The following PVT1 variants were observed in gnomAD, a reference collection of about 807,000 sequenced individuals.
PVT1 encodes CXCR4/PVT1 fusion.
intron 4 of PVT1, among the ~76,000 whole-genome samples, chr8:128,056,328 C>G (rs963055525): frequency 3.9e-5 from 6 of 152,154 alleles, no homozygotes; most frequent in Non-Finnish European, 8.8e-5. Flanking sequence ...TACATGCGTT[C>G]ATGTATTTAC....
intron 2 of PVT1, among the ~76,000 whole-genome samples, chr8:127,824,221 C>T (rs146082961): frequency 6.6e-6 from 1 of 152,274 alleles, no homozygotes; most frequent in African/African-American, 2.4e-5. Flanking sequence ...AGAGTAGTTG[C>T]ATTTTAAACT....
intron 3 of PVT1, among the ~76,000 whole-genome samples, chr8:127,914,233 G>A (rs998188554): frequency 6.3e-5 from 7 of 110,684 alleles, no homozygotes; most frequent in African/African-American, 2.4e-4. Flanking sequence ...TAGGATGGCT[G>A]TAATTAAACA....
intron 4 of PVT1, among the ~76,000 whole-genome samples, chr8:128,070,005 C>T: frequency 6.6e-6 from 1 of 152,120 alleles, no homozygotes; most frequent in East Asian, 1.9e-4. Context: ...CCATAGGCAG[C>T]CACTCCAGTG....
intron 4 of PVT1, among the ~76,000 whole-genome samples, chr8:128,012,148 A>G (rs1817321283): frequency 1.3e-5 from 2 of 152,164 alleles, no homozygotes. Flanking sequence ...TTGACATTCA[A>G]TACACATTTG....
intron 3 of PVT1, among the ~76,000 whole-genome samples, chr8:127,931,935 G>A (rs115986298): frequency 0.021 from 3,222 of 152,344 alleles, 125 homozygotes; most frequent in African/African-American, 0.074. Context: ...CTCGCTTGGC[G>A]CTGTGTGACT....
chr8:127,966,867 A>G (rs1816708116), intron 3 of PVT1, among the ~76,000 whole-genome samples: 1 of 152,078 alleles, frequency 6.6e-6, no homozygotes, highest in Admixed American at 6.5e-5. Context: ...GTACCTGCTG[A>G]CGGGGATATT....
chr8:127,919,147 C>G (rs1464593802), intron 3 of PVT1, among the ~76,000 whole-genome samples: 1 of 152,214 alleles, frequency 6.6e-6, no homozygotes, highest in African/African-American at 2.4e-5. Context: ...AACCAGGGAG[C>G]AGTGAAGCCC....
chr8:127,884,047 A>C (rs570567731), intron 2 of PVT1, among the ~76,000 whole-genome samples: 59 of 152,358 alleles, frequency 3.9e-4, no homozygotes, highest in African/African-American at 1.3e-3. Context: ...TGCACATGTC[A>C]TATGTGTATC....
chr8:127,952,891 A>G (rs992530517), intron 3 of PVT1, among the ~76,000 whole-genome samples: 5 of 152,088 alleles, frequency 3.3e-5, no homozygotes, highest in African/African-American at 4.8e-5. Context: ...CAGCCTCCCA[A>G]GTAGCTGGGA....
intron 3 of PVT1, among the ~76,000 whole-genome samples, chr8:127,942,761 G>T (rs185525429): frequency 6.6e-6 from 1 of 152,160 alleles, no homozygotes; most frequent in Non-Finnish European, 1.5e-5. Context: ...CAGTGGGAAA[G>T]ACTGTGAGAT....
At chr8:128,063,648 G>A (rs1813860980) in intron 4 of PVT1, among the ~76,000 whole-genome samples, 1 of 152,172 alleles carries the variant, frequency 6.6e-6, no homozygotes, top group East Asian at 1.9e-4. Context: ...TCACTCATAT[G>A]TGAAATCTAA....
intron 2 of PVT1, among the ~76,000 whole-genome samples, chr8:127,883,221 C>T (rs1815489425): frequency 6.6e-6 from 1 of 152,156 alleles, no homozygotes; most frequent in Admixed American, 6.5e-5. Flanking sequence ...CCAGGGACGC[C>T]TTCCCTCACT....
chr8:127,894,819 C>T (rs920951768), intron 3 of PVT1, among the ~76,000 whole-genome samples: 18 of 152,236 alleles, frequency 1.2e-4, no homozygotes, highest in African/African-American at 2.4e-4. Flanking sequence ...GCTCTGGCCA[C>T]GCCACTGGAG....
Sources: allele counts gnomAD v4.1 joint callset (sites outside exome capture counted in the v4.1 genomes callset), GRCh38; gene constraint gnomAD v4.1.1; transcripts MANE v1.5; gene names NCBI Gene and HGNC (gene_info 2026-07-23, HGNC 2026-07-21).